Variants in CLVS1 observed in about 807,000 individuals in gnomAD.
The protein encoded by CLVS1 is clavesin 1, also known as clavesin-1.
A neutral mutation model predicts 33.1 loss-of-function variants in CLVS1; 10 were observed. The observed-to-expected ratio is 0.30, with a 90% confidence interval of 0.19 to 0.51. CLVS1 has a LOEUF of 0.51. CLVS1 is among the 20% of genes least tolerant of loss of function. The pLI is 0.97. For synonymous variants in CLVS1, 163 were observed against 166.1 expected (o/e 0.98, Z 0.14); for missense variants, 343 against 433.4 (o/e 0.79, Z 1.85).
intron 2 of CLVS1, among the ~76,000 whole-genome samples, chr8:61,305,893 C>T (rs1810607351): frequency 6.6e-6 from 1 of 152,182 alleles, no homozygotes; most frequent in Non-Finnish European, 1.5e-5. Flanking sequence ...TTATCTCACT[C>T]TTTTTTGTGG....
At chr8:61,153,686 G>A (rs1427235837) in intron 2 of CLVS1, among the ~76,000 whole-genome samples, 3 of 152,132 alleles carry the variant, frequency 2.0e-5, no homozygotes, top group South Asian at 2.1e-4. Flanking sequence ...AAGGTGCCTC[G>A]TGGTCTCAGG....
At chr8:61,096,726 A>C (rs142552785) in intron 1 of CLVS1, among the ~76,000 whole-genome samples, 48 of 152,260 alleles carry the variant, frequency 3.2e-4, no homozygotes, top group Admixed American at 1.2e-3. Context: ...AATGGTGAAG[A>C]GAAAGCAGAT....
chr8:61,145,182 A>T (rs1268555982), intron 2 of CLVS1, among the ~76,000 whole-genome samples: 1 of 152,244 alleles, frequency 6.6e-6, no homozygotes, highest in Non-Finnish European at 1.5e-5. Flanking sequence ...ACAGAATGAG[A>T]GAAAATTTTT....
intron 2 of CLVS1, among the ~76,000 whole-genome samples, chr8:61,235,288 G>T (rs1808531920): frequency 6.6e-6 from 1 of 152,188 alleles, no homozygotes; most frequent in Non-Finnish European, 1.5e-5. Flanking sequence ...CCATGCCTGA[G>T]GGTGATTCCA....
chr8:61,011,133 C>A, the CLVS1 span, among the ~76,000 whole-genome samples: 1 of 152,178 alleles, frequency 6.6e-6, no homozygotes, highest in South Asian at 2.1e-4. Context: ...CTTGTGCAGA[C>A]GAAATTACCG....
At chr8:61,130,537 T>C (rs1047169361) in intron 1 of CLVS1, among the ~76,000 whole-genome samples, 5 of 152,226 alleles carry the variant, frequency 3.3e-5, no homozygotes, top group African/African-American at 1.2e-4. Context: ...CAGAATGAAT[T>C]ATAACTTGGT....
intron 2 of CLVS1, among the ~76,000 whole-genome samples, chr8:61,200,916 T>C (rs1392858600): frequency 6.6e-6 from 1 of 152,246 alleles, no homozygotes; most frequent in African/African-American, 2.4e-5. Context: ...GAATTGTAAT[T>C]TAACATTTGG....
At chr8:61,107,985 T>C (rs979243239) in intron 1 of CLVS1, among the ~76,000 whole-genome samples, 6 of 152,096 alleles carry the variant, frequency 3.9e-5, no homozygotes, top group Admixed American at 6.5e-5. Context: ...ACCATAAAAA[T>C]AGCCAGGCAC....
intron 2 of CLVS1, among the ~76,000 whole-genome samples, chr8:61,167,867 T>C (rs1224506731): frequency 6.6e-6 from 1 of 152,156 alleles, no homozygotes; most frequent in Non-Finnish European, 1.5e-5. Flanking sequence ...GCCATGGCAA[T>C]GTCAGAAAGT....
chr8:61,069,408 TCTTCCTTC>T (rs35758644), intron 1 of CLVS1, among the ~76,000 whole-genome samples: 15 of 151,560 alleles, frequency 9.9e-5, no homozygotes, highest in Non-Finnish European at 1.5e-4. Context: ...TTTCTCTCTC[TCTTCCTTC>T]CTTCCTTCCT....
chr8:61,253,083 G>T (rs1036948073), intron 2 of CLVS1, among the ~76,000 whole-genome samples: 2 of 152,142 alleles, frequency 1.3e-5, no homozygotes, highest in Non-Finnish European at 2.9e-5. Context: ...CATGTTTAGT[G>T]CTTCCTTCAG....
intron 2 of CLVS1, among the ~76,000 whole-genome samples, chr8:61,195,671 A>G (rs890762249): frequency 1.3e-5 from 2 of 152,116 alleles, no homozygotes; most frequent in East Asian, 3.8e-4. Context: ...GAAGTATCAG[A>G]TGAAAATATA....
intron 2 of CLVS1, among the ~76,000 whole-genome samples, chr8:61,196,021 A>G (rs1807599659): frequency 6.6e-6 from 1 of 152,180 alleles, no homozygotes; most frequent in Non-Finnish European, 1.5e-5. Context: ...AGATGAGTAG[A>G]CTGGATAAGA....
intron 3 of CLVS1, among the ~76,000 whole-genome samples, chr8:61,415,402 T>C (rs968916092): frequency 1.6e-4 from 25 of 152,174 alleles, no homozygotes; most frequent in Non-Finnish European, 2.9e-4. Context: ...GTAATCAACT[T>C]GTGGTGGGAT....
intron 3 of CLVS1, among the ~76,000 whole-genome samples, chr8:61,406,215 C>T (rs1206958630): frequency 6.6e-6 from 1 of 152,224 alleles, no homozygotes; most frequent in Non-Finnish European, 1.5e-5. Flanking sequence ...AGTAATTTCT[C>T]TTCAATTTCC....
intron 1 of CLVS1, among the ~76,000 whole-genome samples, chr8:61,064,816 C>T (rs192263357): frequency 5.4e-4 from 82 of 152,212 alleles, no homozygotes; most frequent in Non-Finnish European, 9.0e-4. Context: ...ATTCTCTTGC[C>T]TCAGCCTCCC....
intron 5 of CLVS1, among the ~76,000 whole-genome samples, chr8:61,486,528 A>G (rs16927359): frequency 0.55 from 83,388 of 152,116 alleles, 26,525 homozygotes; most frequent in Non-Finnish European, 0.71. Context: ...CTGAATCTCA[A>G]TAATCCTTCA....
At chr8:61,217,965 C>A (rs1038870367) in intron 2 of CLVS1, among the ~76,000 whole-genome samples, 1 of 152,080 alleles carries the variant, frequency 6.6e-6, no homozygotes, top group Admixed American at 6.5e-5. Context: ...TCATTTCACC[C>A]CAGTTAGGAT....
At chr8:61,288,282 C>G (rs946806014) in intron 1 of CLVS1, 144 bp downstream of exon 1, 3 of 456,160 alleles carry the variant, frequency 6.6e-6, no homozygotes, top group Non-Finnish European at 4.4e-6. Context: ...CCATCCCTCC[C>G]GCACCGCACC....
Sources: gnomAD v4.1 joint callset for allele counts (sites outside exome capture counted in the v4.1 genomes callset) on GRCh38, gnomAD v4.1.1 for gene constraint, MANE v1.5 for transcripts, NCBI Gene and HGNC (gene_info 2026-07-23, HGNC 2026-07-21) for gene names.